SRD5A2: variants seen among roughly 807,000 people sequenced by gnomAD.
The protein encoded by SRD5A2 is steroid 5 alpha-reductase 2, also known as 3-oxo-5-alpha-steroid 4-dehydrogenase 2.
Under a neutral mutation model 27.4 loss-of-function variants are expected in SRD5A2, and 30 were observed. That is an observed-to-expected ratio of 1.10 (90% CI 0.82 to 1.49). The LOEUF (loss-of-function observed/expected upper bound fraction) is 1.49. SRD5A2 is among the 40% of genes most tolerant of loss of function. The pLI is 0.00. For missense variants in SRD5A2, 348 were observed against 323.4 expected (o/e 1.08, Z -0.58); for synonymous variants, 141 against 133.6 (o/e 1.06, Z -0.38).
the SRD5A2 span, among the ~76,000 whole-genome samples, chr2:31,650,067 C>A: frequency 1.3e-5 from 2 of 152,010 alleles, no homozygotes; most frequent in Admixed American, 1.3e-4. Context: ...CTCATGTGCT[C>A]CCCAGACATC....
chr2:31,585,548 C>G (rs568072272), upstream of SRD5A2, among the ~76,000 whole-genome samples: 17 of 152,302 alleles, frequency 1.1e-4, no homozygotes, highest in African/African-American at 3.6e-4. Context: ...TAGAAACACC[C>G]TGGGCCAGAA....
chr2:31,536,689 G>T (rs763929029), intron 1 of SRD5A2, among the ~76,000 whole-genome samples: 3 of 152,154 alleles, frequency 2.0e-5, no homozygotes, highest in Non-Finnish European at 4.4e-5. Context: ...GCTGGAAATA[G>T]TTCAAAGCTT....
chr2:31,580,880 C>T lies in SRD5A2; in HGVS notation c.21G>A (p.Gln7=), dbSNP rs2148107447. 1.9e-6 allele frequency: 3 copies of T among 1,607,372 alleles called. No individual in the cohort carries two copies. In the South Asian group the frequency reaches 3.3e-5, roughly 18 times the overall value. Residue 7 remains glutamine (Q), a synonymous_variant, in exon 1 of 5, where the codon CAG becomes CAA. Coordinates refer to ENST00000622030, the MANE Select transcript of SRD5A2 (RefSeq NM_000348.4). Reference sequence around the variant, plus strand: ...TGGCGCTGCCTGCCAGCACTGGGCTCTGCTGGCACTGAACCTGCATCGCGC... The same window carrying T: ...TGGCGCTGCCTGCCAGCACTGGGCTTTGCTGGCACTGAACCTGCATCGCGC... MQVQCQ[Q]SPVLAGSATL...
At chr2:31,600,454 C>A in the SRD5A2 span, among the ~76,000 whole-genome samples, 8 of 151,992 alleles carry the variant, frequency 5.3e-5, no homozygotes, top group Non-Finnish European at 1.0e-4. Context: ...TTCCCATCAT[C>A]ATTGTAAAAG....
At chr2:31,590,502 G>T in the SRD5A2 span, among the ~76,000 whole-genome samples, 1 of 152,124 alleles carries the variant, frequency 6.6e-6, no homozygotes, top group African/African-American at 2.4e-5. Flanking sequence ...TGGCCATACT[G>T]CCCAAGGTAA....
chr2:31,567,625 C>G (rs1311967143), intron 1 of SRD5A2, among the ~76,000 whole-genome samples: 1 of 152,056 alleles, frequency 6.6e-6, no homozygotes, highest in Non-Finnish European at 1.5e-5. Context: ...CACTGATGTA[C>G]TTTGTGTCAC....
the SRD5A2 span, among the ~76,000 whole-genome samples, chr2:31,596,220 T>C: frequency 1.3e-5 from 2 of 151,976 alleles, no homozygotes; most frequent in African/African-American, 2.4e-5. Context: ...AAAACCCGTC[T>C]CTACTAAATT....
intron 1 of SRD5A2, among the ~76,000 whole-genome samples, chr2:31,551,270 T>C (rs1377422667): frequency 1.3e-5 from 2 of 152,126 alleles, no homozygotes; most frequent in African/African-American, 4.8e-5. Flanking sequence ...AGGATATTAA[T>C]TCTCCCCCAA....
chr2:31,610,998 ACTCAG>A, the SRD5A2 span, among the ~76,000 whole-genome samples: 2 of 152,084 alleles, frequency 1.3e-5, no homozygotes, highest in African/African-American at 4.8e-5. Flanking sequence ...AATCCCAGCT[ACTCAG>A]GAGGTTGAGG....
chr2:31,565,466 C>G (rs1666711286), intron 1 of SRD5A2, among the ~76,000 whole-genome samples: 1 of 151,720 alleles, frequency 6.6e-6, no homozygotes, highest in Non-Finnish European at 1.5e-5. Flanking sequence ...CACATTAAAT[C>G]TAAAGACAGA....
the SRD5A2 span, among the ~76,000 whole-genome samples, chr2:31,596,748 C>CA: frequency 4.6e-5 from 7 of 151,966 alleles, no homozygotes; most frequent in East Asian, 1.9e-4. Context: ...AGAATAGCTG[C>CA]AAAAAATAAA....
rs61750391 is a variant in SRD5A2 at position 31,580,607 on chromosome 2, G to C, written c.281+13C>G. 2.6e-6 allele frequency: 4 copies of C among 1,530,680 alleles called. No individual in the cohort carries two copies. The African/African-American group carries it at 4.1e-5, about 16-fold the overall frequency. 94.8% of individuals were successfully genotyped at this position (1,530,680 alleles called of 1,614,324 possible). A position where few individuals can be genotyped will look rare whatever the true frequency, so the allele number is the denominator to read the frequency against. ...GTGCGCTGCACTGGGCGCCCGCAAGGGAAAAACGCTACCTGTGGAAGTAAT... is the reference window on the plus strand; with the variant it reads ...GTGCGCTGCACTGGGCGCCCGCAAGCGAAAAACGCTACCTGTGGAAGTAAT... On this transcript the variant is annotated intron_variant, in intron 1 of 4. Transcript: ENST00000622030.
chr2:31,658,855 A>C, the SRD5A2 span, among the ~76,000 whole-genome samples: 1 of 152,158 alleles, frequency 6.6e-6, no homozygotes, highest in Admixed American at 6.5e-5. Context: ...GCTCTTCCTT[A>C]ACTCATCCTA....
the SRD5A2 span, among the ~76,000 whole-genome samples, chr2:31,602,262 CCAA>C: frequency 6.6e-6 from 1 of 151,998 alleles, no homozygotes; most frequent in African/African-American, 2.4e-5. Context: ...TTCCTATACA[CCAA>C]CAACAGGCAA....
At chr2:31,659,458 T>C in the SRD5A2 span, among the ~76,000 whole-genome samples, 1 of 152,138 alleles carries the variant, frequency 6.6e-6, no homozygotes, top group Non-Finnish European at 1.5e-5. Context: ...AAAAGCTTCT[T>C]GATCTAATAA....
At chr2:31,634,524 A>T in the SRD5A2 span, among the ~76,000 whole-genome samples, 1 of 152,174 alleles carries the variant, frequency 6.6e-6, no homozygotes, top group Non-Finnish European at 1.5e-5. Flanking sequence ...GAGAACCAGA[A>T]TCAAAACAAA....
the SRD5A2 span, among the ~76,000 whole-genome samples, chr2:31,634,326 TA>T: frequency 6.6e-6 from 1 of 151,932 alleles, no homozygotes; most frequent in African/African-American, 2.4e-5. Flanking sequence ...AAAAAAGGTT[TA>T]AAAAAAGGTA....
In SRD5A2 at chr2:31,543,541, A is replaced by G. The variant is rs578232859; in HGVS notation, c.282-9775T>C. Among the ~76,000 whole-genome samples the G allele has an allele frequency of 8.5e-5, 13 of 152,276 alleles. No individual in the cohort carries two copies. In the South Asian group the frequency reaches 2.5e-3, roughly 29 times the overall value. On this transcript the variant is annotated intron_variant, in intron 1 of 4. Coordinates refer to ENST00000622030, the MANE Select transcript of SRD5A2 (RefSeq NM_000348.4). ...TTCTAACTCATTATTTTTTCCATAG[A>G]AGAGTTTAATGCATTTCAAGGAATT...
the SRD5A2 span, among the ~76,000 whole-genome samples, chr2:31,657,863 G>A: frequency 4.6e-5 from 7 of 151,872 alleles, no homozygotes; most frequent in South Asian, 8.3e-4. Context: ...GGGTGGGAAG[G>A]AAATAAAAAG....
Sources: gnomAD v4.1 joint callset for allele counts (sites outside exome capture counted in the v4.1 genomes callset) on GRCh38, gnomAD v4.1.1 for gene constraint, MANE v1.5 for transcripts, NCBI Gene and HGNC (gene_info 2026-07-23, HGNC 2026-07-21) for gene names.